The following GRM1 variants were observed in gnomAD, a reference collection of about 807,000 sequenced individuals.
The protein encoded by GRM1 is metabotropic glutamate receptor 1.
GRM1 carries 33 observed loss-of-function variants against 90.9 expected under a neutral mutation model. That is an observed-to-expected ratio of 0.36 (90% confidence interval 0.28 to 0.49). GRM1 has a LOEUF of 0.49. Ranked by LOEUF, GRM1 falls within the 20% of genes least tolerant of loss-of-function variation. The pLI is 0.99. For missense variants in GRM1, 1,190 were observed against 1,534.3 expected (o/e 0.78, Z 3.75); for synonymous variants, 700 against 613.2 (o/e 1.14, Z -2.09).
At chr6:146,097,365 T>C (rs1776906921) in intron 1 of GRM1, among the ~76,000 whole-genome samples, 2 of 152,272 alleles carry the variant, frequency 1.3e-5, no homozygotes, top group South Asian at 4.1e-4. Context: ...TTTAATCCTG[T>C]GAGTAGAAAA....
intron 2 of GRM1, among the ~76,000 whole-genome samples, chr6:146,193,576 A>G (rs1779003912): frequency 6.6e-6 from 1 of 152,186 alleles, no homozygotes. Flanking sequence ...CTTATTGATG[A>G]TGCACACAAG....
At chr6:146,227,357 G>A (rs549441938) in intron 2 of GRM1, among the ~76,000 whole-genome samples, 90 of 151,968 alleles carry the variant, frequency 5.9e-4, no homozygotes, top group African/African-American at 2.1e-3. Flanking sequence ...TTTACATTAG[G>A]GTTCACTCAT....
At chr6:146,141,803 A>G (rs1166334373) in intron 1 of GRM1, among the ~76,000 whole-genome samples, 1 of 152,130 alleles carries the variant, frequency 6.6e-6, no homozygotes, top group Admixed American at 6.5e-5. Flanking sequence ...GTTACCCTGA[A>G]TTTCAGTGAG....
chr6:146,210,303 G>A (rs908893261), intron 2 of GRM1, among the ~76,000 whole-genome samples: 6 of 152,048 alleles, frequency 3.9e-5, no homozygotes, highest in African/African-American at 1.2e-4. Context: ...CTGTGAAATC[G>A]GGATAATAAT....
At chr6:146,128,112 G>A (rs1393616680) in intron 1 of GRM1, among the ~76,000 whole-genome samples, 1 of 152,080 alleles carries the variant, frequency 6.6e-6, no homozygotes, top group Admixed American at 6.6e-5. Context: ...GTATCCCTAG[G>A]TGTACAGGAA....
At position 146,143,790 on chromosome 6, in the gene GRM1, A is replaced by G. The variant is rs966384231; in HGVS notation, c.701-15558A>G. Among the ~76,000 whole-genome samples, 4 of 152,334 alleles carry G rather than the reference A, an allele frequency of 2.6e-5. No individual in the cohort carries two copies. In the South Asian group the frequency reaches 8.3e-4, roughly 32 times the overall value. ...GAAAAATGTTTTGACATGAGGCTACAGATTATGAAAGAGTGCTGATTCATA... is the reference window on the plus strand; with the variant it reads ...GAAAAATGTTTTGACATGAGGCTACGGATTATGAAAGAGTGCTGATTCATA... On this transcript the variant is annotated intron_variant, in intron 1 of 7. Coordinates refer to ENST00000282753, the MANE Select transcript of GRM1 (RefSeq NM_001278064.2).
chr6:146,355,207 A>G (rs1562633681), intron 4 of GRM1, among the ~76,000 whole-genome samples: 1 of 152,224 alleles, frequency 6.6e-6, no homozygotes, highest in Non-Finnish European at 1.5e-5. Context: ...TCACAACAGC[A>G]CAACAGGTTC....
At chr6:146,360,990 G>A (rs1775444519) in intron 5 of GRM1, among the ~76,000 whole-genome samples, 1 of 152,202 alleles carries the variant, frequency 6.6e-6, no homozygotes, top group Non-Finnish European at 1.5e-5. Flanking sequence ...GGAAGGATGG[G>A]AGAGGAATGA....
At chr6:146,428,160 G>A (rs985398663) in intron 7 of GRM1, among the ~76,000 whole-genome samples, 2 of 152,292 alleles carry the variant, frequency 1.3e-5, no homozygotes, top group East Asian at 1.9e-4. Context: ...AGATAAGTAG[G>A]TTTAAATCTG....
chr6:146,121,122 A>G (rs554522524), intron 1 of GRM1, among the ~76,000 whole-genome samples: 14 of 152,088 alleles, frequency 9.2e-5, no homozygotes, highest in African/African-American at 3.4e-4. Context: ...AGAGCCTCTT[A>G]TTGGTCTATT....
At chr6:146,312,288 C>A (rs1157919792) in intron 3 of GRM1, among the ~76,000 whole-genome samples, 1 of 127,172 alleles carries the variant, frequency 7.9e-6, no homozygotes, top group Non-Finnish European at 1.6e-5. Context: ...TTGCAGTGAG[C>A]TGACATAGCG....
chr6:146,354,711 A>T (rs1277927098), intron 4 of GRM1, among the ~76,000 whole-genome samples: 1 of 152,152 alleles, frequency 6.6e-6, no homozygotes. Context: ...TCAGTTAATC[A>T]TCACACAATG....
At chr6:146,308,071 C>T (rs1043708419) in intron 3 of GRM1, among the ~76,000 whole-genome samples, 1 of 152,198 alleles carries the variant, frequency 6.6e-6, no homozygotes, top group Non-Finnish European at 1.5e-5. Flanking sequence ...GAGTCACTCT[C>T]TTCCAGTAAA....
At chr6:146,391,255 G>A (rs1776709911) in intron 6 of GRM1, among the ~76,000 whole-genome samples, 1 of 151,986 alleles carries the variant, frequency 6.6e-6, no homozygotes, top group African/African-American at 2.4e-5. Context: ...TCAAAAATTA[G>A]AAGTAGCTAC....
chr6:146,167,334 G>A (rs1427377251), intron 2 of GRM1, among the ~76,000 whole-genome samples: 1 of 152,104 alleles, frequency 6.6e-6, no homozygotes, highest in Admixed American at 6.6e-5. Flanking sequence ...ATTTTGAATA[G>A]TCCTGCTGTG....
At chr6:146,342,170 T>C (rs1785007703) in intron 3 of GRM1, among the ~76,000 whole-genome samples, 1 of 152,218 alleles carries the variant, frequency 6.6e-6, no homozygotes, top group African/African-American at 2.4e-5. Flanking sequence ...AGTGGTGAGC[T>C]TCTTTCCAAA....
At chr6:146,210,159 A>G (rs1384381335) in intron 2 of GRM1, among the ~76,000 whole-genome samples, 2 of 152,182 alleles carry the variant, frequency 1.3e-5, no homozygotes, top group Admixed American at 6.5e-5. Flanking sequence ...TTGAGTTGCA[A>G]TGTCAAAAGG....
intron 2 of GRM1, among the ~76,000 whole-genome samples, chr6:146,177,575 G>A (rs1474141424): frequency 1.3e-5 from 2 of 151,980 alleles, no homozygotes; most frequent in East Asian, 3.8e-4. Flanking sequence ...TTTTGAAGCT[G>A]GATAACTTAT....
intron 2 of GRM1, among the ~76,000 whole-genome samples, chr6:146,188,579 C>G (rs1224223200): frequency 2.0e-5 from 3 of 152,126 alleles, no homozygotes; most frequent in Admixed American, 1.3e-4. Context: ...TTAATTCTCC[C>G]CATACCCCAA....
Sources: allele counts gnomAD v4.1 joint callset (sites outside exome capture counted in the v4.1 genomes callset), GRCh38; gene constraint gnomAD v4.1.1; transcripts MANE v1.5; gene names NCBI Gene and HGNC (gene_info 2026-07-23, HGNC 2026-07-21).